PRR16: variants seen among roughly 807,000 people sequenced by gnomAD.
The protein encoded by PRR16 is protein Largen.
In PRR16, 6 loss-of-function variants were observed where a neutral mutation model predicts 18.2. That is an observed-to-expected ratio of 0.33 (90% CI 0.18 to 0.65). PRR16 has a LOEUF of 0.65. PRR16 is among the 30% of genes least tolerant of loss of function. PRR16 has a pLI of 0.74. For synonymous variants in PRR16, 151 were observed against 147.8 expected (o/e 1.02, Z -0.16); for missense variants, 412 against 376.6 (o/e 1.09, Z -0.78).
At chr5:120,758,030 T>TTTCA in the PRR16 span, among the ~76,000 whole-genome samples, 1 of 30,144 alleles carries the variant, frequency 3.3e-5, no homozygotes, top group African/African-American at 5.6e-5. Context: ...GTAATTTTAT[T>TTTCA]GTCAAGACTT....
At chr5:120,498,537 CTT>C (rs1422011913) in intron 1 of PRR16, among the ~76,000 whole-genome samples, 1 of 151,666 alleles carries the variant, frequency 6.6e-6, no homozygotes, top group Non-Finnish European at 1.5e-5. Flanking sequence ...GCCATACTTT[CTT>C]TTTCAACCAT....
chr5:120,756,992 A>T, the PRR16 span, among the ~76,000 whole-genome samples: 4 of 152,120 alleles, frequency 2.6e-5, no homozygotes, highest in African/African-American at 9.6e-5. Flanking sequence ...GTTTTTGTAT[A>T]TGGGGACACG....
intron 1 of PRR16, among the ~76,000 whole-genome samples, chr5:120,615,782 G>A (rs549040015): frequency 1.3e-5 from 2 of 152,160 alleles, no homozygotes; most frequent in African/African-American, 4.8e-5. Flanking sequence ...TCATCCATGT[G>A]TATATAATTA....
chr5:120,493,293 A>G (rs966441341), intron 1 of PRR16, among the ~76,000 whole-genome samples: 3 of 151,926 alleles, frequency 2.0e-5, no homozygotes, highest in African/African-American at 7.3e-5. Flanking sequence ...TTTATTTTGC[A>G]TTTCCCTGAT....
chr5:120,476,026 C>G (rs949637691), intron 1 of PRR16, among the ~76,000 whole-genome samples: 3 of 152,044 alleles, frequency 2.0e-5, no homozygotes, highest in African/African-American at 7.2e-5. Flanking sequence ...CTTTCTTTCC[C>G]GCTGCCACCT....
intron 1 of PRR16, among the ~76,000 whole-genome samples, chr5:120,578,780 G>C (rs1317797597): frequency 1.3e-5 from 2 of 151,956 alleles, no homozygotes; most frequent in African/African-American, 4.8e-5. Flanking sequence ...GGATTGCTGG[G>C]TGAAATGGTA....
At chr5:120,702,784 G>A in the PRR16 span, among the ~76,000 whole-genome samples, 1 of 152,082 alleles carries the variant, frequency 6.6e-6, no homozygotes, top group Non-Finnish European at 1.5e-5. Flanking sequence ...GAGAGAGGTT[G>A]GAGAAGAGAG....
chr5:120,485,511 A>G (rs967952396), intron 1 of PRR16, among the ~76,000 whole-genome samples: 1 of 152,200 alleles, frequency 6.6e-6, no homozygotes, highest in African/African-American at 2.4e-5. Flanking sequence ...TTGTTCTTGC[A>G]ATGTATTTGC....
chr5:120,699,226 A>G, the PRR16 span, among the ~76,000 whole-genome samples: 7 of 152,074 alleles, frequency 4.6e-5, no homozygotes, highest in Non-Finnish European at 4.4e-5. Flanking sequence ...TTGAGGATAG[A>G]TTTCCACGAT....
the PRR16 span, among the ~76,000 whole-genome samples, chr5:120,763,389 C>G: frequency 6.6e-6 from 1 of 152,114 alleles, no homozygotes; most frequent in Non-Finnish European, 1.5e-5. Flanking sequence ...CTGCCTTGGA[C>G]TCCCAAAGTG....
Position 120,686,558 on chromosome 5 carries a change from C to T in PRR16, c.764C>T (p.Pro255Leu), listed in dbSNP as rs1360173210. The T allele has an allele frequency of 1.9e-6, 3 of 1,613,750 alleles. No individual in the cohort carries two copies. Among genetic ancestry groups the T allele is most frequent in the Non-Finnish European group, 2.5e-6 (3 of 1,179,898 alleles). ...CAAGGCCCTCCCCTCCCTCCTACAC[C>T]CCATCTCCCTCCTTTCCCACTAGAA... The part of the protein sequence containing the change: ...PHQGPPLPPT[P>L]HLPPFPLENG... Residue 255 changes from proline to leucine, a missense_variant, in exon 2 of 2, where the codon CCC becomes CTC. By Grantham distance (98) the Pro-to-Leu change is moderately conservative (BLOSUM62 -3). Transcript: ENST00000407149.
intron 1 of PRR16, among the ~76,000 whole-genome samples, chr5:120,484,545 ATAAT>A (rs1422910262): frequency 1.4e-5 from 2 of 145,916 alleles, no homozygotes; most frequent in African/African-American, 5.0e-5. Flanking sequence ...TATGTCATAT[ATAAT>A]TATATATTGT....
At chr5:120,624,292 A>G (rs1754789378) in intron 1 of PRR16, among the ~76,000 whole-genome samples, 1 of 152,184 alleles carries the variant, frequency 6.6e-6, no homozygotes, top group South Asian at 2.1e-4. Context: ...AAAGTAAGAT[A>G]TAATTTAGAC....
the PRR16 span, among the ~76,000 whole-genome samples, chr5:120,733,727 T>C: frequency 1.3e-5 from 2 of 152,180 alleles, no homozygotes; most frequent in East Asian, 1.9e-4. Context: ...CCTGATTACC[T>C]AGCCTTTCCA....
chr5:120,701,014 G>T, the PRR16 span, among the ~76,000 whole-genome samples: 1 of 152,138 alleles, frequency 6.6e-6, no homozygotes, highest in African/African-American at 2.4e-5. Flanking sequence ...CCGGGCTGCG[G>T]GCATTCCTTG....
the PRR16 span, among the ~76,000 whole-genome samples, chr5:120,775,699 C>A: frequency 6.7e-6 from 1 of 148,300 alleles, no homozygotes; most frequent in Non-Finnish European, 1.5e-5. Context: ...GGCACATTCT[C>A]GGCTCATGGC....
chr5:120,725,545 C>T, the PRR16 span, among the ~76,000 whole-genome samples: 1 of 151,976 alleles, frequency 6.6e-6, no homozygotes, highest in Non-Finnish European at 1.5e-5. Context: ...GGCATGGTGT[C>T]ATGTGCCTTT....
At chr5:120,789,748 G>A in the PRR16 span, among the ~76,000 whole-genome samples, 6 of 151,850 alleles carry the variant, frequency 4.0e-5, no homozygotes, top group Non-Finnish European at 5.9e-5. Context: ...TGATAACTAA[G>A]TTATAAAATA....
intron 1 of PRR16, among the ~76,000 whole-genome samples, chr5:120,480,418 C>A (rs1413147850): frequency 6.6e-6 from 1 of 152,106 alleles, no homozygotes; most frequent in Admixed American, 6.5e-5. Context: ...AATATTTATA[C>A]AATTTTCTTT....
Sources: allele counts gnomAD v4.1 joint callset (sites outside exome capture counted in the v4.1 genomes callset), GRCh38; gene constraint gnomAD v4.1.1; transcripts MANE v1.5; gene names NCBI Gene and HGNC (gene_info 2026-07-23, HGNC 2026-07-21).